Variants in SKAP1 observed in about 807,000 individuals in gnomAD.
The protein encoded by SKAP1 is src kinase-associated phosphoprotein 1.
SKAP1 carries 44 observed loss-of-function variants against 58.5 expected under a neutral mutation model. The observed-to-expected ratio is 0.75, with a 90% CI of 0.59 to 0.97. The LOEUF (loss-of-function observed/expected upper bound fraction) is 0.97. SKAP1 is among the 50% of genes least tolerant of loss of function. SKAP1 has a pLI of 0.00. For synonymous variants in SKAP1, 127 were observed against 149.7 expected (o/e 0.85, Z 1.11); for missense variants, 390 against 435.2 (o/e 0.90, Z 0.92).
intron 10 of SKAP1, among the ~76,000 whole-genome samples, chr17:48,166,657 G>C (rs1362755586): frequency 6.6e-6 from 1 of 152,150 alleles, no homozygotes; most frequent in African/African-American, 2.4e-5. Flanking sequence ...TGTCAATAAG[G>C]CCTGGCATTG....
At chr17:48,364,165 A>C (rs2066972985) in intron 2 of SKAP1, among the ~76,000 whole-genome samples, 1 of 152,172 alleles carries the variant, frequency 6.6e-6, no homozygotes, top group Non-Finnish European at 1.5e-5. Context: ...GTATTACAGG[A>C]CTGTGTATTA....
the SKAP1 span, among the ~76,000 whole-genome samples, chr17:48,443,497 A>G: frequency 7.4e-6 from 1 of 134,496 alleles, no homozygotes; most frequent in African/African-American, 2.6e-5. Context: ...TTTGTTTGAG[A>G]CAGAGTCTTG....
intron 9 of SKAP1, among the ~76,000 whole-genome samples, chr17:48,179,677 C>T (rs1238886998): frequency 6.6e-6 from 1 of 152,138 alleles, no homozygotes; most frequent in Admixed American, 6.6e-5. Flanking sequence ...AATTTTGAAG[C>T]GATTTTCCAT....
chr17:48,134,519 T>C (rs2063674916), intron 12 of SKAP1, among the ~76,000 whole-genome samples: 1 of 151,652 alleles, frequency 6.6e-6, no homozygotes, highest in South Asian at 2.1e-4. Context: ...GGTTCCACCA[T>C]GTTGGTCAGG....
At chr17:48,193,673 C>T (rs954484630) in intron 4 of SKAP1, 1 of 984,724 alleles carries the variant, frequency 1.0e-6, no homozygotes, top group Non-Finnish European at 1.2e-6. Context: ...AGTGTCAGCG[C>T]AGGGTCCTAC....
chr17:48,391,074 A>T (rs527354000), intron 2 of SKAP1, among the ~76,000 whole-genome samples: 1 of 152,170 alleles, frequency 6.6e-6, no homozygotes, highest in African/African-American at 2.4e-5. Flanking sequence ...TGTCTCAAAA[A>T]AACAAAAAAC....
At chr17:48,287,040 G>A (rs1383936643) in intron 4 of SKAP1, among the ~76,000 whole-genome samples, 1 of 151,930 alleles carries the variant, frequency 6.6e-6, no homozygotes, top group South Asian at 2.1e-4. Context: ...AGGTTGCAGT[G>A]AGCCAAGATC....
At chr17:48,393,011 G>A (rs148264182) in intron 2 of SKAP1, among the ~76,000 whole-genome samples, 2 of 152,004 alleles carry the variant, frequency 1.3e-5, no homozygotes, top group Non-Finnish European at 2.9e-5. Context: ...TCTGAGCACA[G>A]ATCACAACTG....
chr17:48,191,693 T>C (rs978629802), intron 4 of SKAP1, among the ~76,000 whole-genome samples: 1 of 152,206 alleles, frequency 6.6e-6, no homozygotes, highest in Non-Finnish European at 1.5e-5. Context: ...AAGAGCCTCT[T>C]TTTCTGTTTT....
At chr17:48,187,961 G>C in intron 5 of SKAP1, 35 bp from the exon 6 acceptor site, 2 of 1,463,566 alleles carry the variant, frequency 1.4e-6, no homozygotes, top group South Asian at 2.3e-5. Flanking sequence ...ATAAATTCAG[G>C]TAACTACCAT....
At chr17:48,251,894 A>G (rs1163464473) in intron 4 of SKAP1, among the ~76,000 whole-genome samples, 1 of 152,264 alleles carries the variant, frequency 6.6e-6, no homozygotes, top group Non-Finnish European at 1.5e-5. Context: ...TTTCAAAATT[A>G]TCTTTTAAAT....
At chr17:48,289,463 T>A (rs933546332) in intron 4 of SKAP1, among the ~76,000 whole-genome samples, 4 of 152,188 alleles carry the variant, frequency 2.6e-5, no homozygotes, top group African/African-American at 9.7e-5. Flanking sequence ...TTCACAGCAT[T>A]ATTTAAATAT....
At chr17:48,169,103 CA>C (rs199606913) in intron 10 of SKAP1, among the ~76,000 whole-genome samples, 25,428 of 92,002 alleles carry the variant, frequency 0.28, 2,152 homozygotes, top group Admixed American at 0.32. Context: ...GCATGAGGAA[CA>C]AAAGGTTTTT....
chr17:48,432,107 T>C (rs944544326), upstream of SKAP1, among the ~76,000 whole-genome samples: 2 of 152,226 alleles, frequency 1.3e-5, no homozygotes, highest in Non-Finnish European at 2.9e-5. Flanking sequence ...ATCTGGCTCC[T>C]GCTCATCCTC....
chr17:48,366,466 G>T lies in SKAP1; in HGVS notation c.153-2652C>A, dbSNP rs2067003553. 2.0e-5 allele frequency among the ~76,000 whole-genome samples: 3 copies of T among 151,952 alleles called. No individual in the cohort carries two copies. In the South Asian group the frequency reaches 6.3e-4, roughly 32 times the overall value. Reference sequence around the variant, plus strand: ...AGGGGAGAGGAAGGGGCAGAGGACGGGGTAGGAAGGGGCAGAGGACGGGGT... The same window carrying T: ...AGGGGAGAGGAAGGGGCAGAGGACGTGGTAGGAAGGGGCAGAGGACGGGGT... On this transcript the variant is annotated intron_variant, in intron 2 of 12. Coordinates refer to ENST00000336915, the MANE Select transcript of SKAP1 (RefSeq NM_003726.4).
intron 4 of SKAP1, among the ~76,000 whole-genome samples, chr17:48,191,260 A>G (rs539259153): frequency 6.6e-6 from 1 of 152,360 alleles, no homozygotes; most frequent in African/African-American, 2.4e-5. Flanking sequence ...AAGAATGAAA[A>G]AAAAAGCCTC....
At chr17:48,163,833 A>G (rs541651241) in intron 10 of SKAP1, among the ~76,000 whole-genome samples, 51 of 152,346 alleles carry the variant, frequency 3.3e-4, no homozygotes, top group Admixed American at 1.0e-3. Flanking sequence ...CAAAATCCCT[A>G]TATGTCTCTG....
chr17:48,327,790 T>G (rs1173670530), intron 4 of SKAP1, among the ~76,000 whole-genome samples: 2 of 152,114 alleles, frequency 1.3e-5, no homozygotes, highest in African/African-American at 4.8e-5. Context: ...CACACCTGGC[T>G]AATATTTTTT....
intron 4 of SKAP1, among the ~76,000 whole-genome samples, chr17:48,275,113 C>T (rs1230472829): frequency 2.0e-5 from 3 of 152,188 alleles, no homozygotes; most frequent in Non-Finnish European, 4.4e-5. Context: ...CTTTACCAGA[C>T]TTCCAGTAAA....
Sources: allele counts gnomAD v4.1 joint callset (sites outside exome capture counted in the v4.1 genomes callset), GRCh38; gene constraint gnomAD v4.1.1; transcripts MANE v1.5; gene names NCBI Gene and HGNC (gene_info 2026-07-23, HGNC 2026-07-21).